Variants in TECPR1 observed in about 807,000 individuals in gnomAD.
TECPR1 encodes the protein tectonin beta-propeller repeat-containing protein 1.
A neutral mutation model predicts 162.4 loss-of-function variants in TECPR1; 122 were observed. That is an observed-to-expected ratio of 0.75 (90% CI 0.65 to 0.87). TECPR1 has a LOEUF of 0.87. Among genes scored for constraint, TECPR1 ranks in the 40% least tolerant of loss-of-function variants. The probability of loss-of-function intolerance (pLI) is 0.00; values close to 1 mark genes in which losing one functional copy is unlikely to be tolerated. For missense variants in TECPR1, 1,432 were observed against 1,618.2 expected (o/e 0.88, Z 1.97); for synonymous variants, 642 against 670.6 (o/e 0.96, Z 0.66).
At chr7:98,249,768 G>A (rs762337777) in intron 2 of TECPR1, among the ~76,000 whole-genome samples, 13 of 152,144 alleles carry the variant, frequency 8.5e-5, no homozygotes, top group South Asian at 2.1e-4. Context: ...TGGCCAACAC[G>A]GTGAAACCCG....
chr7:98,233,591 T>C lies in TECPR1; in HGVS notation c.1502A>G (p.His501Arg). The change falls in exon 11 of 26, where the codon CAC becomes CGC. Residue 501 changes from histidine (H) to arginine (R), a missense_variant. By Grantham distance (29) the His-to-Arg change is conservative. Transcript: ENST00000447648. ...GGTCTCGGGGAAGCCAGCGGCCGAG[T>C]GGCTGGGCACTTTCTTGGCCTCCTT... ...DLKEAKKVPS[H>R]SAAGFPETTS... The C allele has an allele frequency of 1.3e-6, 2 of 1,588,892 alleles. No homozygotes were observed. The highest frequency in any genetic ancestry group is 1.7e-6 in the Non-Finnish European group (2 of 1,169,958).
At chr7:98,250,559 GCC>G (rs1250428878) in intron 2 of TECPR1, among the ~76,000 whole-genome samples, 1 of 152,146 alleles carries the variant, frequency 6.6e-6, no homozygotes, top group Non-Finnish European at 1.5e-5. Flanking sequence ...GATCACTTGA[GCC>G]CAGGAGTTTG....
intron 23 of TECPR1, among the ~76,000 whole-genome samples, chr7:98,219,695 A>C (rs1798097518): frequency 6.6e-6 from 1 of 152,064 alleles, no homozygotes; most frequent in African/African-American, 2.4e-5. Flanking sequence ...TGAGGTTGAG[A>C]GTTCGAGACC....
At chr7:98,245,210 T>A in intron 3 of TECPR1, 143 bp from the exon 4 acceptor site, 1 of 893,426 alleles carries the variant, frequency 1.1e-6, no homozygotes, top group Non-Finnish European at 1.7e-6. Flanking sequence ...GCAGAGGGCC[T>A]GTGTGGGACC....
At chr7:98,242,097 G>A (rs908076526) in intron 6 of TECPR1, among the ~76,000 whole-genome samples, 14 of 152,196 alleles carry the variant, frequency 9.2e-5, no homozygotes, top group Admixed American at 6.5e-5. Flanking sequence ...CCTCGCCACC[G>A]CCCTTCAGCA....
rs1428464751 is a variant in TECPR1, at chr7:98,245,104, A to G, written c.226-37T>C. ...GGACACAGAGGCGGCCTTGGACCCA[A>G]GCCTGCTGGGCGGGAACCCAGGCGG... On this transcript the variant is annotated intron_variant, in intron 3 of 25. Coordinates refer to ENST00000447648, the MANE Select transcript of TECPR1 (RefSeq NM_015395.3). 3.2e-6 allele frequency: 5 copies of G among 1,553,366 alleles called. No homozygotes were observed. In the East Asian group the frequency reaches 1.2e-4, roughly 38 times the overall value.
rs1797989287 is a variant in TECPR1, at chr7:98,215,691, C to T, written c.*1699G>A. ...GCAGGCCACAGCAGAATGCACAGGT[C>T]ACTGTTGTAGGGGAACAAATCGTAA... On this transcript the variant is annotated 3_prime_UTR_variant, in exon 26 of 26. Transcript: ENST00000447648. 6.6e-6 allele frequency: 1 copy of T among 152,296 alleles called. No individual in the cohort carries two copies. Among genetic ancestry groups the T allele is most frequent in the Admixed American group, 6.5e-5 (1 of 15,290 alleles). The allele number at this position is 152,296 out of a possible 1,614,324, so 9.4% of individuals were successfully genotyped here.
chr7:98,242,915 TCCACACACCCATCCGC>T (rs1798797868), intron 6 of TECPR1, among the ~76,000 whole-genome samples: 2 of 61,796 alleles, frequency 3.2e-5, no homozygotes, highest in Non-Finnish European at 3.2e-5. Context: ...CACCCACCCA[TCCACACACCCATCCGC>T]CCATCCACAC....
At chr7:98,234,178 G>A (rs1020836577) in intron 10 of TECPR1, among the ~76,000 whole-genome samples, 3 of 152,116 alleles carry the variant, frequency 2.0e-5, no homozygotes, top group Admixed American at 6.5e-5. Flanking sequence ...TTTTTGAGAC[G>A]GAGTCTCACT....
At chr7:98,251,837 A>C (rs967617255) in intron 1 of TECPR1, 5 of 152,260 alleles carry the variant, frequency 3.3e-5, no homozygotes, top group African/African-American at 1.2e-4. Context: ...TCTCGAAAAC[A>C]ACCAGGATCC....
chr7:98,233,483 AC>A lies in TECPR1; in HGVS notation c.1609del (p.Val537CysfsTer74). ...GVDDHPLWAW[V>X]SGGGCVVEAC... ...CTCCACCACGCAGCCGCCTCCCGAC[AC>A]CCAGGCCCACAGCGGGTGGTCATCC... On this transcript the variant is annotated frameshift_variant, in exon 11 of 26. Coordinates refer to ENST00000447648, the MANE Select transcript of TECPR1 (RefSeq NM_015395.3). LOFTEE classifies it high-confidence loss of function. 1 of 1,491,234 alleles carries A rather than the reference AC, an allele frequency of 6.7e-7. No individual in the cohort carries two copies. The allele number at this position is 1,491,234 out of a possible 1,614,324, so 92.4% of individuals were successfully genotyped here.
intron 2 of TECPR1, among the ~76,000 whole-genome samples, chr7:98,247,591 C>A (rs916211367): frequency 1.3e-5 from 2 of 152,168 alleles, no homozygotes. Flanking sequence ...AATGAGGGCA[C>A]GTTGAGAGCC....
Position 98,241,071 on chromosome 7 carries a change from T to C in TECPR1, c.831A>G (p.Lys277=). The C allele has an allele frequency of 6.2e-7, 1 of 1,604,106 alleles. No individual in the cohort carries two copies. The highest frequency in any genetic ancestry group is 8.5e-7 in the Non-Finnish European group (1 of 1,174,874). The change falls in exon 7 of 26, where the codon AAA becomes AAG. Residue 277 remains lysine, a splice_region_variant and synonymous_variant. Transcript: ENST00000447648. The surrounding 1 kb of genome is among the most constrained non-coding windows in gnomAD (Gnocchi z 5.0). ...VREGINRSNP[K]GSSWSIVEPP... ...GGGTGGGGGAGCCGGGCTGCCCACC[T>C]TTGGGATTGCTCCTGTTGATTCCTT... is the stretch of plus-strand genomic sequence containing the variant.
At chr7:98,221,371 G>A (rs563655670) in intron 23 of TECPR1, among the ~76,000 whole-genome samples, 5 of 152,242 alleles carry the variant, frequency 3.3e-5, no homozygotes, top group African/African-American at 9.6e-5. Context: ...AAGGCTTGAG[G>A]AGGTGGATAC....
intron 10 of TECPR1, 95 bp from the exon 11 acceptor site, chr7:98,234,006 G>A: frequency 7.0e-7 from 1 of 1,431,984 alleles, no homozygotes; most frequent in Non-Finnish European, 9.3e-7. Flanking sequence ...ATGACTGCCT[G>A]TGGAAACTTG....
chr7:98,222,363 G>A lies in TECPR1; in HGVS notation c.3064+23C>T, dbSNP rs764899696. 4.4e-6 allele frequency: 7 copies of A among 1,603,454 alleles called. No homozygotes were observed. In the South Asian group the frequency reaches 6.7e-5, roughly 15 times the overall value. The stretch of plus-strand genomic sequence containing the variant: ...TTGGACGGAAGGTGAACACTGCAGG[G>A]GCTCCTGGGGCGCGGCACTCACCGG... On this transcript the variant is annotated intron_variant, in intron 22 of 25. Coordinates refer to ENST00000447648, the MANE Select transcript of TECPR1 (RefSeq NM_015395.3).
chr7:98,232,965 G>C lies in TECPR1; in HGVS notation c.1680C>G (p.Ser560=). The change falls in exon 12 of 26, where the codon TCC becomes TCG. Residue 560 remains serine (S), a synonymous_variant. Transcript: ENST00000447648. This position sits in a 1 kb window ranked among gnomAD's most constrained non-coding sequence, Gnocchi z 4.6. Reference sequence around the variant, plus strand: ...ACAGGGACAGCATGTGTACCGAGGAGGACAGGCCTGTGGGGCAGAGAGAGC... The same window carrying C: ...ACAGGGACAGCATGTGTACCGAGGACGACAGGCCTGTGGGGCAGAGAGAGC... ...PRWFTVQAGL[S]SSVHMLSLSI... 1 of 1,609,630 alleles carries C rather than the reference G, an allele frequency of 6.2e-7. No individual in the cohort carries two copies.
intron 2 of TECPR1, among the ~76,000 whole-genome samples, chr7:98,249,222 T>TG (rs1798999316): frequency 6.6e-6 from 1 of 151,772 alleles, no homozygotes; most frequent in Non-Finnish European, 1.5e-5. Context: ...GATTGCAGGT[T>TG]GAGAAGGAAG....
rs573089891 is a variant in TECPR1, at chr7:98,217,706, C to G, written c.3370G>C (p.Asp1124His). ...GCCCCGCTCACCCCGATGCCGTAGT[C>G]CCAGCCGTGGCCCTTGGGCTCGTGA... Reference protein sequence around the residue: ...QPHEPKGHGWDYGIGGGWDHI... With the variant: ...QPHEPKGHGWHYGIGGGWDHI... Residue 1124 changes from aspartate (D) to histidine (H), a missense_variant, in exon 25 of 26, where the codon GAC (aspartate) becomes CAC (histidine). Transcript: ENST00000447648. 4.3e-5 allele frequency: 66 copies of G among 1,546,180 alleles called. No homozygotes were observed. Among genetic ancestry groups the G allele is most frequent in the Non-Finnish European group, 5.8e-5 (66 of 1,144,508 alleles).
Sources: allele counts gnomAD v4.1 joint callset (sites outside exome capture counted in the v4.1 genomes callset), GRCh38; gene constraint gnomAD v4.1.1; non-coding constraint Gnocchi (gnomAD v3.1); transcripts MANE v1.5; gene names NCBI Gene and HGNC (gene_info 2026-07-23, HGNC 2026-07-21).